TENM4: variants seen among roughly 807,000 people sequenced by gnomAD.
TENM4 encodes teneurin transmembrane protein 4, also known as teneurin-4.
TENM4 carries 82 observed loss-of-function variants against 243.3 expected under a neutral mutation model. The observed-to-expected ratio is 0.34, with a 90% CI of 0.28 to 0.40. The LOEUF (loss-of-function observed/expected upper bound fraction) is 0.40. Among genes scored for constraint, TENM4 ranks in the 10% least tolerant of loss-of-function variants. The pLI, the probability that TENM4 is intolerant of heterozygous loss-of-function variation, is 1.00. For missense variants in TENM4, 3,138 were observed against 3,673.3 expected (o/e 0.85, Z 3.77); for synonymous variants, 1,412 against 1,456.3 (o/e 0.97, Z 0.69).
At chr11:79,232,363 G>C (rs971919809) in intron 2 of TENM4, among the ~76,000 whole-genome samples, 1 of 152,204 alleles carries the variant, frequency 6.6e-6, no homozygotes, top group Non-Finnish European at 1.5e-5. Flanking sequence ...GTCTTCAGGC[G>C]CAGAAACCCT....
chr11:78,668,904 G>C, intron 32 of TENM4, 33 bp downstream of exon 32: 1 of 1,582,540 alleles, frequency 6.3e-7, no homozygotes, highest in Non-Finnish European at 8.6e-7. Context: ...GCACTTTATG[G>C]GGTCCTGCCC....
chr11:78,763,728 A>T (rs541037824), intron 18 of TENM4, among the ~76,000 whole-genome samples: 2 of 152,226 alleles, frequency 1.3e-5, no homozygotes, highest in Admixed American at 6.5e-5. Context: ...GACCTTGGGC[A>T]CACCCTTCCT....
intron 4 of TENM4, among the ~76,000 whole-genome samples, chr11:79,129,497 C>T (rs1197677771): frequency 6.6e-6 from 1 of 152,106 alleles, no homozygotes; most frequent in African/African-American, 2.4e-5. Flanking sequence ...GCCCAGCTCG[C>T]CCACCACCTG....
chr11:79,066,764 G>GCA (rs767895404), intron 5 of TENM4, among the ~76,000 whole-genome samples: 5 of 151,732 alleles, frequency 3.3e-5, no homozygotes, highest in Admixed American at 6.6e-5. Context: ...GCACAAGCAC[G>GCA]CACACACACA....
intron 6 of TENM4, among the ~76,000 whole-genome samples, chr11:78,936,598 G>C (rs1856790298): frequency 6.6e-6 from 1 of 152,182 alleles, no homozygotes; most frequent in Admixed American, 6.5e-5. Flanking sequence ...GCACTTTTCT[G>C]CACTAGCTAT....
chr11:78,756,601 TA>T, intron 19 of TENM4: 1 of 569,766 alleles, frequency 1.8e-6, no homozygotes, highest in South Asian at 2.1e-5. Flanking sequence ...ACTTTGCTCA[TA>T]AAAATTCCAA....
At chr11:79,112,920 T>C (rs1251551883) in intron 4 of TENM4, among the ~76,000 whole-genome samples, 1 of 152,180 alleles carries the variant, frequency 6.6e-6, no homozygotes, top group Non-Finnish European at 1.5e-5. Flanking sequence ...CCGTTCATAT[T>C]GACAAAGGCA....
chr11:79,198,784 C>A (rs1475329640), intron 3 of TENM4, among the ~76,000 whole-genome samples: 1 of 152,176 alleles, frequency 6.6e-6, no homozygotes, highest in Admixed American at 6.5e-5. Flanking sequence ...ATTGTCCTGC[C>A]CTTGCGGAGC....
chr11:78,670,589 G>A, intron 31 of TENM4, 38 bp from the exon 32 acceptor site: 2 of 1,560,620 alleles, frequency 1.3e-6, no homozygotes, highest in Non-Finnish European at 1.7e-6. Context: ...AGAGGAGGGT[G>A]GTGAGGAGAA....
At chr11:79,392,292 A>G (rs552857154) in intron 1 of TENM4, among the ~76,000 whole-genome samples, 1 of 152,364 alleles carries the variant, frequency 6.6e-6, no homozygotes, top group Admixed American at 6.5e-5. Context: ...GAAGCTGAGC[A>G]GGAGAGAACA....
intron 1 of TENM4, among the ~76,000 whole-genome samples, chr11:79,408,542 A>G (rs1003416043): frequency 1.3e-5 from 2 of 152,232 alleles, no homozygotes; most frequent in African/African-American, 2.4e-5. Flanking sequence ...AACCTCTGTA[A>G]TAATCTCCCA....
At chr11:79,422,178 C>T (rs1171281830) in intron 1 of TENM4, 1 of 153,474 alleles carries the variant, frequency 6.5e-6, no homozygotes, top group African/African-American at 2.4e-5. Context: ...TGATCTGGTA[C>T]TCCTTAAGCT....
chr11:78,996,909 G>A (rs1004547668), intron 6 of TENM4, among the ~76,000 whole-genome samples: 1 of 152,158 alleles, frequency 6.6e-6, no homozygotes, highest in Admixed American at 6.5e-5. Context: ...TGTAGTCAGA[G>A]AGAATATTAA....
At chr11:79,275,417 A>G (rs1156960143) in intron 2 of TENM4, among the ~76,000 whole-genome samples, 1 of 152,222 alleles carries the variant, frequency 6.6e-6, no homozygotes, top group African/African-American at 2.4e-5. Context: ...CAGGGCAAGC[A>G]TGTTTCTGTG....
chr11:78,767,136 T>C (rs1361913393), intron 18 of TENM4, among the ~76,000 whole-genome samples: 1 of 152,204 alleles, frequency 6.6e-6, no homozygotes, highest in East Asian at 1.9e-4. Context: ...GGATCTACAA[T>C]GGGCCATATG....
intron 2 of TENM4, among the ~76,000 whole-genome samples, chr11:79,290,458 C>A (rs56932518): frequency 0.027 from 4,130 of 152,250 alleles, 210 homozygotes; most frequent in African/African-American, 0.095. Context: ...GGTTTTTTGG[C>A]ATCCGATCAA....
intron 1 of TENM4, among the ~76,000 whole-genome samples, chr11:79,395,402 A>G (rs773616375): frequency 5.3e-5 from 8 of 152,224 alleles, no homozygotes; most frequent in Non-Finnish European, 1.2e-4. Flanking sequence ...TCCTAACTGC[A>G]CAGAGTTCAC....
intron 2 of TENM4, among the ~76,000 whole-genome samples, chr11:79,217,918 G>A (rs1249540859): frequency 6.6e-6 from 1 of 152,100 alleles, no homozygotes; most frequent in Non-Finnish European, 1.5e-5. Flanking sequence ...GTTTCGCCAT[G>A]TTGGCCAGGC....
chr11:79,225,108 G>A (rs752247920), intron 2 of TENM4, among the ~76,000 whole-genome samples: 5 of 152,134 alleles, frequency 3.3e-5, no homozygotes, highest in Non-Finnish European at 7.4e-5. Flanking sequence ...AGAGGAGCAC[G>A]GTCCTGCTGA....
Sources: gnomAD v4.1 joint callset for allele counts (sites outside exome capture counted in the v4.1 genomes callset) on GRCh38, gnomAD v4.1.1 for gene constraint, MANE v1.5 for transcripts, NCBI Gene and HGNC (gene_info 2026-07-23, HGNC 2026-07-21) for gene names.